Variants in YAP1 observed in about 807,000 individuals in gnomAD.
YAP1 encodes transcriptional coactivator YAP1.
Under a neutral mutation model 56.9 loss-of-function variants are expected in YAP1, and 5 were observed. The observed-to-expected ratio is 0.09, with a 90% CI of 0.05 to 0.18. The LOEUF is 0.18. Among genes scored for constraint, YAP1 ranks in the 10% least tolerant of loss-of-function variants. The probability of loss-of-function intolerance (pLI) is 1.00; values close to 1 mark genes in which losing one functional copy is unlikely to be tolerated. For synonymous variants in YAP1, 265 were observed against 248.1 expected (o/e 1.07, Z -0.64); for missense variants, 539 against 651.8 (o/e 0.83, Z 1.88).
intron 2 of YAP1, among the ~76,000 whole-genome samples, chr11:102,161,809 A>C (rs577903953): frequency 7.2e-5 from 11 of 152,330 alleles, no homozygotes; most frequent in Admixed American, 6.5e-4. Flanking sequence ...TTAATTCCCA[A>C]CTTTATAGAT....
At chr11:102,142,084 T>A (rs888197209) in intron 2 of YAP1, among the ~76,000 whole-genome samples, 3 of 152,234 alleles carry the variant, frequency 2.0e-5, no homozygotes, top group Admixed American at 6.5e-5. Flanking sequence ...AATATATAAA[T>A]GTTATCATTA....
chr11:102,164,444 T>G (rs931028308), intron 3 of YAP1, among the ~76,000 whole-genome samples: 3 of 152,248 alleles, frequency 2.0e-5, no homozygotes, highest in African/African-American at 7.2e-5. Flanking sequence ...AAATCTGCCC[T>G]GTATTTATGG....
intron 3 of YAP1, among the ~76,000 whole-genome samples, chr11:102,182,798 T>C (rs781703190): frequency 4.0e-5 from 6 of 151,336 alleles, no homozygotes; most frequent in Non-Finnish European, 7.4e-5. Flanking sequence ...TTGGGCCATC[T>C]CTTTCCATAT....
At chr11:102,185,947 T>C (rs1342550328) in intron 3 of YAP1, 71 bp from the exon 4 acceptor site, 4 of 1,418,736 alleles carry the variant, frequency 2.8e-6, no homozygotes, top group Middle Eastern at 2.5e-4. Context: ...TTTAAATTAG[T>C]ACCCCCTCCC....
intron 7 of YAP1, chr11:102,226,875 T>G (rs1950223221): frequency 6.6e-6 from 1 of 152,276 alleles, no homozygotes; most frequent in African/African-American, 2.4e-5. Context: ...TATTCTTATC[T>G]TATTGGCAGT....
At chr11:102,222,921 G>A (rs1362327250) in intron 6 of YAP1, among the ~76,000 whole-genome samples, 2 of 151,798 alleles carry the variant, frequency 1.3e-5, no homozygotes, top group African/African-American at 4.8e-5. Flanking sequence ...AACCATATAA[G>A]AGTTGTCGAG....
chr11:102,150,880 A>G (rs1945606751), intron 2 of YAP1, among the ~76,000 whole-genome samples: 1 of 137,666 alleles, frequency 7.3e-6, no homozygotes, highest in African/African-American at 2.7e-5. Flanking sequence ...GGCTCACTGC[A>G]GTCTCTGCCT....
chr11:102,127,538 A>C (rs188431090), intron 2 of YAP1, among the ~76,000 whole-genome samples: 1 of 152,356 alleles, frequency 6.6e-6, no homozygotes, highest in East Asian at 1.9e-4. Flanking sequence ...GATGCATGGA[A>C]ATGCCTGGAT....
At chr11:102,167,428 A>T (rs955066402) in intron 3 of YAP1, among the ~76,000 whole-genome samples, 1 of 152,196 alleles carries the variant, frequency 6.6e-6, no homozygotes, top group Non-Finnish European at 1.5e-5. Flanking sequence ...CTTGAGGTGA[A>T]TGTCCTTTGA....
At chr11:102,185,443 T>C (rs529806753) in intron 3 of YAP1, among the ~76,000 whole-genome samples, 1 of 152,208 alleles carries the variant, frequency 6.6e-6, no homozygotes, top group South Asian at 2.1e-4. Flanking sequence ...TAGCAATTTC[T>C]GGTCTGCTGA....
intron 2 of YAP1, among the ~76,000 whole-genome samples, chr11:102,135,470 A>G (rs1944623218): frequency 6.6e-6 from 1 of 152,228 alleles, no homozygotes; most frequent in Admixed American, 6.5e-5. Context: ...TTTGATGTGG[A>G]TGGCTGGAAG....
intron 2 of YAP1, among the ~76,000 whole-genome samples, chr11:102,130,352 C>G (rs78622475): frequency 6.6e-6 from 1 of 152,034 alleles, no homozygotes; most frequent in Non-Finnish European, 1.5e-5. Flanking sequence ...CCAATTCTTA[C>G]CAGTGTTAAG....
At chr11:102,111,299 C>G (rs1050425380) in intron 1 of YAP1, 130 bp downstream of exon 1, 8 of 1,092,472 alleles carry the variant, frequency 7.3e-6, no homozygotes, top group Non-Finnish European at 8.7e-6. Context: ...GGTGGGGGTC[C>G]CGAGGCGAAG....
intron 2 of YAP1, among the ~76,000 whole-genome samples, chr11:102,141,498 G>A (rs144358742): frequency 1.4e-4 from 22 of 152,290 alleles, no homozygotes; most frequent in African/African-American, 4.8e-4. Flanking sequence ...GCTAAACAAT[G>A]TGGTAAGCCC....
intron 1 of YAP1, among the ~76,000 whole-genome samples, chr11:102,111,773 T>TG (rs1194809723): frequency 6.6e-6 from 1 of 152,032 alleles, no homozygotes; most frequent in Non-Finnish European, 1.5e-5. Context: ...TGATTAGAGG[T>TG]GGGGGTAGAA....
intron 3 of YAP1, among the ~76,000 whole-genome samples, chr11:102,173,995 A>C (rs950923738): frequency 3.3e-5 from 5 of 152,184 alleles, no homozygotes; most frequent in African/African-American, 1.2e-4. Flanking sequence ...TTACCTCGGG[A>C]TTTGTTCAAA....
intron 4 of YAP1, chr11:102,186,351 G>T: frequency 2.2e-6 from 1 of 455,676 alleles, no homozygotes; most frequent in Admixed American, 4.1e-5. Flanking sequence ...GGTTGGGGTG[G>T]GGGAATGTCA....
chr11:102,119,792 G>C (rs1943539153), intron 2 of YAP1, among the ~76,000 whole-genome samples: 1 of 152,088 alleles, frequency 6.6e-6, no homozygotes, highest in Non-Finnish European at 1.5e-5. Context: ...TGTACCTTAA[G>C]GCTTTGAGGG....
intron 2 of YAP1, among the ~76,000 whole-genome samples, chr11:102,139,640 C>T (rs1402584044): frequency 6.6e-6 from 1 of 152,176 alleles, no homozygotes. Context: ...CCATCCCCTA[C>T]TCCCTTTTAG....
Sources: allele counts gnomAD v4.1 joint callset (sites outside exome capture counted in the v4.1 genomes callset), GRCh38; gene constraint gnomAD v4.1.1; transcripts MANE v1.5; gene names NCBI Gene and HGNC (gene_info 2026-07-23, HGNC 2026-07-21).